Variants in MTMR8 observed in about 807,000 individuals in gnomAD.
MTMR8 encodes myotubularin related protein 8.
In MTMR8, 65 loss-of-function variants were observed where a neutral mutation model predicts 39.3. The observed-to-expected ratio is 1.65, with a 90% confidence interval of 1.35 to 2.03. The LOEUF (loss-of-function observed/expected upper bound fraction) is 2.03. Ranked by LOEUF, MTMR8 falls within the 30% of genes most tolerant of loss-of-function variation. The pLI, the probability that MTMR8 is intolerant of heterozygous loss-of-function variation, is 0.00. For missense variants in MTMR8, 777 were observed against 538.9 expected (o/e 1.44, Z -4.37); for synonymous variants, 245 against 185.2 (o/e 1.32, Z -2.62).
chrX:64,343,865 G>A (rs1923280763), intron 7 of MTMR8, 145 bp from the exon 8 acceptor site: 3 of 455,550 alleles, frequency 6.6e-6, no homozygotes, highest in South Asian at 3.4e-5. Flanking sequence ...AGTGAGTCAG[G>A]GACAGAACTA....
chrX:64,320,813 G>A (rs1276156504), intron 12 of MTMR8, among the ~76,000 whole-genome samples: 1 of 111,669 alleles, frequency 9.0e-6, no homozygotes, highest in East Asian at 2.8e-4. Flanking sequence ...AAGCTCTACA[G>A]AAGCAGGACA....
intron 12 of MTMR8, among the ~76,000 whole-genome samples, chrX:64,325,262 C>T (rs767794169): frequency 1.8e-4 from 20 of 111,815 alleles, no homozygotes; most frequent in African/African-American, 5.8e-4. Context: ...TCAAACTAGT[C>T]GGCACAACTG....
At chrX:64,299,761 G>C (rs1204564890) in intron 12 of MTMR8, among the ~76,000 whole-genome samples, 2 of 101,014 alleles carry the variant, frequency 2.0e-5, no homozygotes, top group African/African-American at 7.3e-5. Context: ...ATGCGTCCCA[G>C]AGATTCTGGT....
chrX:64,282,365 G>A (rs960681774), intron 12 of MTMR8, among the ~76,000 whole-genome samples: 2 of 111,318 alleles, frequency 1.8e-5, no homozygotes, highest in Non-Finnish European at 3.8e-5. Context: ...CTGTCAGAAG[G>A]GGTGGGGGTA....
At position 64,349,890 on chromosome X, in the gene MTMR8, A is replaced by C; in HGVS notation, c.597+52T>G. On this transcript the variant is annotated intron_variant, in intron 5 of 13. Coordinates refer to ENST00000374852, the MANE Select transcript of MTMR8 (RefSeq NM_017677.4). Reference sequence around the variant, plus strand: ...TAAGTGGCAGCATGAAACTTAAAACAGGTCTTCCAGAGCCATGTTTAATTA... The same window carrying C: ...TAAGTGGCAGCATGAAACTTAAAACCGGTCTTCCAGAGCCATGTTTAATTA... 4 of 1,028,278 alleles carry C rather than the reference A, an allele frequency of 3.9e-6. No homozygotes were observed. The South Asian group carries it at 1.2e-4, about 31-fold the overall frequency. The allele number at this position is 1,028,278 out of a possible 1,213,427, so 84.7% of individuals were successfully genotyped here.
chrX:64,319,274 C>A (rs886967836), intron 12 of MTMR8, among the ~76,000 whole-genome samples: 3 of 112,063 alleles, frequency 2.7e-5, no homozygotes, highest in African/African-American at 6.5e-5. Context: ...ACTACAAAAA[C>A]CAGGGAAATG....
intron 1 of MTMR8, among the ~76,000 whole-genome samples, chrX:64,380,647 G>T (rs781634508): frequency 7.8e-4 from 88 of 112,192 alleles, no homozygotes; most frequent in Non-Finnish European, 1.4e-3. Flanking sequence ...ACAATGTGCA[G>T]GTTAGTTACA....
chrX:64,334,548 A>G (rs996712972), intron 10 of MTMR8, among the ~76,000 whole-genome samples: 1 of 102,010 alleles, frequency 9.8e-6, no homozygotes, highest in Non-Finnish European at 2.0e-5. Context: ...CTATGTACAC[A>G]AAACACTCAA....
At chrX:64,324,737 C>T (rs1193751041) in intron 12 of MTMR8, among the ~76,000 whole-genome samples, 5 of 103,229 alleles carry the variant, frequency 4.8e-5, no homozygotes, top group Non-Finnish European at 9.7e-5. Context: ...TGGCCCTACC[C>T]CTATCTCCCT....
intron 12 of MTMR8, among the ~76,000 whole-genome samples, chrX:64,322,743 C>A (rs1922685673): frequency 8.9e-6 from 1 of 112,175 alleles, no homozygotes; most frequent in Non-Finnish European, 1.9e-5. Flanking sequence ...TGGTGGTGCA[C>A]CATTCCCCAG....
intron 12 of MTMR8, among the ~76,000 whole-genome samples, chrX:64,317,538 G>T (rs1482439542): frequency 1.8e-5 from 2 of 111,086 alleles, no homozygotes; most frequent in African/African-American, 6.6e-5. Context: ...ATTTTCATTT[G>T]GTTCTCCTTT....
At chrX:64,369,038 T>C (rs1924055516) in intron 1 of MTMR8, among the ~76,000 whole-genome samples, 1 of 112,087 alleles carries the variant, frequency 8.9e-6, no homozygotes, top group South Asian at 3.7e-4. Flanking sequence ...ATCAAAGAAA[T>C]GCAAATCGTT....
chrX:64,336,042 T>A (rs776044266), intron 10 of MTMR8, 37 bp downstream of exon 10: 5 of 1,112,864 alleles, frequency 4.5e-6, no homozygotes, highest in Admixed American at 2.4e-5. Context: ...TAATGAACTA[T>A]CCTCAGCCCC....
At chrX:64,363,958 T>C (rs1029225631) in intron 1 of MTMR8, among the ~76,000 whole-genome samples, 4 of 112,415 alleles carry the variant, frequency 3.6e-5, no homozygotes, top group Non-Finnish European at 7.5e-5. Flanking sequence ...GCTCAGTGGG[T>C]CCCACGCCCA....
intron 1 of MTMR8, among the ~76,000 whole-genome samples, chrX:64,362,631 G>A (rs1208646765): frequency 1.8e-5 from 2 of 109,473 alleles, no homozygotes; most frequent in African/African-American, 6.7e-5. Flanking sequence ...GATGTGTTGG[G>A]GAAACAGTAT....
chrX:64,373,004 C>A (rs1924168615), intron 1 of MTMR8, among the ~76,000 whole-genome samples: 1 of 111,650 alleles, frequency 9.0e-6, no homozygotes, highest in South Asian at 3.8e-4. Context: ...TATGTCCAAG[C>A]CAAAAGTGGG....
chrX:64,297,717 C>T (rs1441903769), intron 12 of MTMR8, among the ~76,000 whole-genome samples: 6 of 107,109 alleles, frequency 5.6e-5, no homozygotes, highest in African/African-American at 2.1e-4. Flanking sequence ...GGTTTTAGGT[C>T]TAACGTTTAA....
At chrX:64,278,741 G>A (rs1055399937) in intron 12 of MTMR8, among the ~76,000 whole-genome samples, 3 of 110,483 alleles carry the variant, frequency 2.7e-5, no homozygotes, top group African/African-American at 9.9e-5. Flanking sequence ...CAAAGTACTG[G>A]GATTACAGGC....
At chrX:64,304,877 T>C (rs1238261629) in intron 12 of MTMR8, among the ~76,000 whole-genome samples, 13 of 47,490 alleles carry the variant, frequency 2.7e-4, no homozygotes, top group African/African-American at 2.0e-3. Flanking sequence ...TATATATATA[T>C]ATATATATAT....
Sources: allele counts gnomAD v4.1 joint callset (sites outside exome capture counted in the v4.1 genomes callset), GRCh38; gene constraint gnomAD v4.1.1; transcripts MANE v1.5; gene names NCBI Gene and HGNC (gene_info 2026-07-23, HGNC 2026-07-21).